Variants in ZNF28 observed in about 807,000 individuals in gnomAD.
The protein encoded by ZNF28 is zinc finger protein 28, also known as zinc finger protein KOX24.
In ZNF28, 5 loss-of-function variants were observed where a neutral mutation model predicts 7.2. The observed-to-expected ratio is 0.70, with a 90% CI of 0.36 to 1.46. The LOEUF is 1.46. Among genes scored for constraint, ZNF28 ranks in the 40% most tolerant of loss-of-function variants. The probability of loss-of-function intolerance (pLI) is 0.03; values close to 1 mark genes in which losing one functional copy is unlikely to be tolerated. For synonymous variants in ZNF28, 288 were observed against 292.4 expected, an observed-to-expected ratio of 0.99 and a Z score of 0.15; for missense variants, 879 against 866.6, an observed-to-expected ratio of 1.01 and a Z score of -0.18.
intron 2 of ZNF28, among the ~76,000 whole-genome samples, chr19:52,815,238 G>A (rs761578102): frequency 8.9e-5 from 13 of 145,446 alleles, no homozygotes; most frequent in Non-Finnish European, 1.6e-4. Flanking sequence ...TATTGGGCCC[G>A]GGCACAGTGG....
intron 1 of ZNF28, among the ~76,000 whole-genome samples, chr19:52,819,732 G>A (rs1256460675): frequency 7.0e-6 from 1 of 143,266 alleles, no homozygotes; most frequent in Non-Finnish European, 1.5e-5. Flanking sequence ...TAAAATTAGA[G>A]AAGCATCTTT....
At chr19:52,810,503 G>A in intron 2 of ZNF28, 2 of 1,588,162 alleles carry the variant, frequency 1.3e-6, no homozygotes, top group South Asian at 2.2e-5. Context: ...CCTATTTAGA[G>A]GAAGGCAAAT....
chr19:52,819,577 G>A lies in ZNF28; in HGVS notation c.-73-1546C>T, dbSNP rs1403490556. 4.1e-5 allele frequency among the ~76,000 whole-genome samples: 2 copies of A among 48,982 alleles called. 1 individual carries two copies. The allele number at this position is 48,982 out of a possible 152,430, so 32.1% of individuals were successfully genotyped here. A position where few individuals can be genotyped will look rare whatever the true frequency, so the allele number is the denominator to read the frequency against. ...TCTAGCCCCTCATCTCCAAGTTGCA[G>A]GGGAGGCTCACTGGGGCTCAGAGCT... On this transcript the variant is annotated intron_variant, in intron 1 of 3. Transcript: ENST00000457749.
chr19:52,806,530 A>G (rs544051438), intron 3 of ZNF28, among the ~76,000 whole-genome samples: 45 of 149,080 alleles, frequency 3.0e-4, no homozygotes, highest in Non-Finnish European at 5.3e-4. Context: ...ATTATGCTAT[A>G]ACTTTAATAT....
chr19:52,813,424 CGT>C (rs1380725184), intron 2 of ZNF28, among the ~76,000 whole-genome samples: 2 of 121,412 alleles, frequency 1.6e-5, no homozygotes, highest in Non-Finnish European at 3.3e-5. Context: ...AGCTGCTCCC[CGT>C]GTTTCCCTGC....
At chr19:52,813,492 G>T (rs1456719885) in intron 2 of ZNF28, among the ~76,000 whole-genome samples, 6 of 116,400 alleles carry the variant, frequency 5.2e-5, no homozygotes, top group East Asian at 2.6e-4. Context: ...GTGGTAGGAG[G>T]TTTTTTTTTT....
At chr19:52,812,787 A>AAG (rs1462866089) in intron 2 of ZNF28, among the ~76,000 whole-genome samples, 2 of 131,076 alleles carry the variant, frequency 1.5e-5, no homozygotes, top group African/African-American at 5.5e-5. Context: ...AAAAAAAAAA[A>AAG]GTTTTAAGTG....
intron 3 of ZNF28, among the ~76,000 whole-genome samples, chr19:52,804,235 C>G (rs1189073663): frequency 6.6e-6 from 1 of 152,208 alleles, no homozygotes; most frequent in Non-Finnish European, 1.5e-5. Flanking sequence ...TTGGATTTCC[C>G]ACTTTCCAAA....
intron 2 of ZNF28, among the ~76,000 whole-genome samples, chr19:52,812,277 CATTGA>C (rs1314196591): frequency 7.2e-6 from 1 of 139,656 alleles, no homozygotes; most frequent in Non-Finnish European, 1.5e-5. Flanking sequence ...CCCAGCGGCT[CATTGA>C]GAACGGGCCA....
At chr19:52,816,532 C>T (rs1212007695) in intron 2 of ZNF28, among the ~76,000 whole-genome samples, 1 of 145,138 alleles carries the variant, frequency 6.9e-6, no homozygotes, top group Non-Finnish European at 1.5e-5. Flanking sequence ...GGCATGGTGG[C>T]GGGTGCCTGT....
chr19:52,807,790 T>C (rs779857849), intron 3 of ZNF28: 29 of 839,400 alleles, frequency 3.5e-5, no homozygotes, highest in African/African-American at 6.9e-5. Context: ...TAAAGTTTTA[T>C]GCCTACTTTA....
intron 2 of ZNF28, among the ~76,000 whole-genome samples, chr19:52,817,628 T>G (rs1324404587): frequency 6.6e-6 from 1 of 152,048 alleles, no homozygotes; most frequent in Admixed American, 6.6e-5. Context: ...GAGCTGACAG[T>G]GCATCCAGAT....
rs146037495 is a variant in ZNF28, at chr19:52,799,894, C to T, written c.1951G>A (p.Val651Ile). The T allele has an allele frequency of 2.5e-5, 41 of 1,613,586 alleles. No individual in the cohort carries two copies. Among genetic ancestry groups the T allele is most frequent in the East Asian group, 1.3e-4 (6 of 44,836 alleles). ...GKTFSQMSSL[V>I]YHHRLHSGEK... is the part of the protein sequence containing the mutation. ...CCACTATGAAGCCTATGATGGTATA[C>T]GAGGGATGACATCTGACTGAAGGTC... Residue 651 changes from valine to isoleucine, a missense_variant, in exon 4 of 4, where the codon GTA becomes ATA. Val to Ile is a conservative substitution (Grantham distance 29). This residue lies in a region of ZNF28 where 864 missense variants were observed against 830.2 expected (regional missense o/e 1.04). Transcript: ENST00000457749.
chr19:52,804,578 C>T (rs1301494534), intron 3 of ZNF28, among the ~76,000 whole-genome samples: 3 of 152,160 alleles, frequency 2.0e-5, no homozygotes, highest in African/African-American at 7.2e-5. Context: ...ACCATATTGG[C>T]CAGGCTTGTC....
In ZNF28 at chr19:52,813,249, GAAAA is replaced by G. The variant is rs71183837; in HGVS notation, c.15+4691_15+4694del. ...TATGAAGATTAAAAACTTGAATGGT[GAAAA>G]AAAAAAAAAAAAAAAAAAGACATAC... On this transcript the variant is annotated intron_variant, in intron 2 of 3. Transcript: ENST00000457749. Among the ~76,000 whole-genome samples, 59 of 62,984 alleles carry G rather than the reference GAAAA, an allele frequency of 9.4e-4. 1 individual carries two copies. The South Asian group carries it at 0.014, about 14-fold the overall frequency. 41.3% of individuals were successfully genotyped at this position (62,984 alleles called of 152,430 possible).
chr19:52,804,402 ACT>A (rs1220730602), intron 3 of ZNF28, among the ~76,000 whole-genome samples: 9 of 152,118 alleles, frequency 5.9e-5, no homozygotes, highest in African/African-American at 1.9e-4. Context: ...GCCCAGTCTT[ACT>A]CTGTCTCCCG....
At chr19:52,812,295 ATGACAATGG>A (rs2063060705) in intron 2 of ZNF28, among the ~76,000 whole-genome samples, 1 of 141,262 alleles carries the variant, frequency 7.1e-6, no homozygotes, top group Admixed American at 6.9e-5. Context: ...ACGGGCCATG[ATGACAATGG>A]CGGTTTTGTG....
intron 3 of ZNF28, among the ~76,000 whole-genome samples, chr19:52,804,557 G>C (rs759783712): frequency 6.6e-6 from 1 of 152,276 alleles, no homozygotes; most frequent in South Asian, 2.1e-4. Context: ...TTTTAGTAGA[G>C]ACAGGGTTTC....
At chr19:52,816,834 A>AAAAAAT (rs1555807268) in intron 2 of ZNF28, among the ~76,000 whole-genome samples, 3 of 138,402 alleles carry the variant, frequency 2.2e-5, no homozygotes, top group African/African-American at 8.0e-5. Flanking sequence ...CCGTTTCAGA[A>AAAAAAT]AATAATAATA....
Sources: allele counts gnomAD v4.1 joint callset (sites outside exome capture counted in the v4.1 genomes callset), GRCh38; gene constraint gnomAD v4.1.1; regional missense constraint gnomAD v4.1.1; transcripts MANE v1.5; gene names NCBI Gene and HGNC (gene_info 2026-07-23, HGNC 2026-07-21).